The following RNF220 variants were observed in gnomAD, a reference collection of about 807,000 sequenced individuals.
RNF220 encodes E3 ubiquitin-protein ligase RNF220.
In RNF220, 7 loss-of-function variants were observed where a neutral mutation model predicts 67.1. The ratio of observed to expected loss-of-function variants is 0.10; its 90% CI spans 0.06 to 0.20. RNF220 has a LOEUF of 0.20. Among genes scored for constraint, RNF220 ranks in the 10% least tolerant of loss-of-function variants. The pLI is 1.00. For missense variants in RNF220, 565 were observed against 740.3 expected (o/e 0.76, Z 2.75); for synonymous variants, 270 against 283.2 (o/e 0.95, Z 0.47).
At chr1:44,593,364 G>A (rs529083480) in intron 2 of RNF220, among the ~76,000 whole-genome samples, 3 of 152,098 alleles carry the variant, frequency 2.0e-5, no homozygotes, top group Admixed American at 6.5e-5. Context: ...ATGACCTCAG[G>A]CAACTTTTAC....
intron 3 of RNF220, among the ~76,000 whole-genome samples, chr1:44,617,022 A>G (rs1643583043): frequency 6.6e-6 from 1 of 151,334 alleles, no homozygotes; most frequent in African/African-American, 2.4e-5. Flanking sequence ...CCCAAGCTCC[A>G]TGCTTCTCAC....
intron 2 of RNF220, among the ~76,000 whole-genome samples, chr1:44,418,524 G>A (rs1169013399): frequency 2.0e-5 from 3 of 152,146 alleles, no homozygotes; most frequent in African/African-American, 7.2e-5. Flanking sequence ...AGCCAGCACA[G>A]CGGGGCTCGT....
chr1:44,591,421 C>T lies in RNF220; in HGVS notation c.626-22744C>T, dbSNP rs184831401. ...AAGGAATCTAAGTCCTTTCAAGTCC[C>T]AGAGCCATTATGCACTTGCAGTGGG... is the stretch of plus-strand genomic sequence containing the variant. On this transcript the variant is annotated intron_variant, in intron 2 of 14. Transcript: ENST00000361799. Among the ~76,000 whole-genome samples, 17 of 152,320 alleles carry T rather than the reference C, an allele frequency of 1.1e-4. No individual in the cohort carries two copies. The East Asian group carries it at 3.3e-3, about 29-fold the overall frequency.
In RNF220 at chr1:44,460,913, G is replaced by A. The variant is rs951636411; in HGVS notation, c.625+48191G>A. Among the ~76,000 whole-genome samples, 161 of 152,312 alleles carry A rather than the reference G, an allele frequency of 1.1e-3. 1 individual carries two copies. Among genetic ancestry groups the A allele is most frequent in the Non-Finnish European group, 2.9e-4 (20 of 68,026 alleles). ...ACCTTCTGAGGGGTCTGCCGCTGCT[G>A]AGGGACTCCTTGCATTCCTGGCCTT... On this transcript the variant is annotated intron_variant, in intron 2 of 14. Transcript: ENST00000361799.
chr1:44,633,568 A>T (rs1198305452), intron 6 of RNF220, among the ~76,000 whole-genome samples: 1 of 152,228 alleles, frequency 6.6e-6, no homozygotes, highest in African/African-American at 2.4e-5. Flanking sequence ...AGCCCAGTCC[A>T]TTGGGGTGCT....
chr1:44,441,442 A>G (rs1200550951), intron 2 of RNF220, among the ~76,000 whole-genome samples: 4 of 152,206 alleles, frequency 2.6e-5, no homozygotes, highest in African/African-American at 9.6e-5. Context: ...GCTATGTGGG[A>G]AGATAAAATG....
chr1:44,498,984 A>G (rs1245509285), intron 2 of RNF220, among the ~76,000 whole-genome samples: 1 of 152,154 alleles, frequency 6.6e-6, no homozygotes, highest in African/African-American at 2.4e-5. Flanking sequence ...ACCAGTAATT[A>G]TACCCCTTCC....
chr1:44,440,745 A>G (rs1302081790), intron 2 of RNF220, among the ~76,000 whole-genome samples: 2 of 152,196 alleles, frequency 1.3e-5, no homozygotes, highest in Non-Finnish European at 2.9e-5. Flanking sequence ...GACTAAGAAC[A>G]GACACCTTCT....
At chr1:44,530,432 C>T (rs187648386) in intron 2 of RNF220, among the ~76,000 whole-genome samples, 5 of 151,496 alleles carry the variant, frequency 3.3e-5, no homozygotes, top group Admixed American at 2.0e-4. Flanking sequence ...AAGGACATCT[C>T]GTCATTTACT....
intron 2 of RNF220, among the ~76,000 whole-genome samples, chr1:44,478,462 T>A (rs1484731615): frequency 6.6e-6 from 1 of 151,664 alleles, no homozygotes; most frequent in African/African-American, 2.4e-5. Context: ...TGGCTTCTGC[T>A]TGTAATCCTA....
chr1:44,478,479 T>C (rs544691510), intron 2 of RNF220, among the ~76,000 whole-genome samples: 1 of 151,746 alleles, frequency 6.6e-6, no homozygotes, highest in South Asian at 2.1e-4. Flanking sequence ...CCTAGCACTT[T>C]GGGAGGCCAA....
intron 6 of RNF220, among the ~76,000 whole-genome samples, chr1:44,634,313 C>T (rs1018475682): frequency 6.6e-6 from 1 of 152,220 alleles, no homozygotes; most frequent in Non-Finnish European, 1.5e-5. Flanking sequence ...ACCTTGATCT[C>T]TCTAAGCTTT....
intron 2 of RNF220, among the ~76,000 whole-genome samples, chr1:44,426,633 A>C (rs1649801652): frequency 6.6e-6 from 1 of 151,848 alleles, no homozygotes; most frequent in Non-Finnish European, 1.5e-5. Context: ...AGGCTAAGGC[A>C]GGAGAATTGC....
chr1:44,477,704 AAT>A (rs1468912586), intron 2 of RNF220, among the ~76,000 whole-genome samples: 1 of 152,162 alleles, frequency 6.6e-6, no homozygotes, highest in Non-Finnish European at 1.5e-5. Flanking sequence ...GCTTAGGCTG[AAT>A]AGACAGTAGC....
chr1:44,498,561 T>A (rs1182866669), intron 2 of RNF220, among the ~76,000 whole-genome samples: 1 of 152,154 alleles, frequency 6.6e-6, no homozygotes, highest in East Asian at 1.9e-4. Context: ...GGCTCACAAC[T>A]GGGAGTTTTC....
At chr1:44,513,585 C>T (rs1383847436) in intron 2 of RNF220, among the ~76,000 whole-genome samples, 2 of 152,126 alleles carry the variant, frequency 1.3e-5, no homozygotes, top group African/African-American at 4.8e-5. Context: ...GGGGGAGAAG[C>T]GGTGACATGA....
In RNF220 at chr1:44,405,449, C is replaced by A; in HGVS notation, c.-199C>A. The A allele has an allele frequency of 1.6e-6, 1 of 607,660 alleles. No individual in the cohort carries two copies. The highest frequency in any genetic ancestry group is 2.6e-5 in the Admixed American group (1 of 37,922). 37.6% of individuals were successfully genotyped at this position (607,660 alleles called of 1,614,324 possible). On this transcript the variant is annotated 5_prime_UTR_variant, in exon 1 of 15. Coordinates refer to ENST00000361799, the MANE Select transcript of RNF220 (RefSeq NM_018150.4). The stretch of plus-strand genomic sequence containing the variant: ...CTCCGCCGGCTCTGCGAACCCGGGA[C>A]TTTTCATGCACCACACTCTCCGCCT...
chr1:44,587,694 A>G (rs1461199806), intron 2 of RNF220, among the ~76,000 whole-genome samples: 1 of 152,142 alleles, frequency 6.6e-6, no homozygotes, highest in African/African-American at 2.4e-5. Flanking sequence ...GTTCTCTTCT[A>G]GGGCACATGT....
intron 2 of RNF220, among the ~76,000 whole-genome samples, chr1:44,426,551 AC>A (rs1649794380): frequency 6.6e-6 from 1 of 152,046 alleles, no homozygotes; most frequent in Non-Finnish European, 1.5e-5. Context: ...ACATGGCAAA[AC>A]CCCATCTCTA....
Sources: allele counts gnomAD v4.1 joint callset (sites outside exome capture counted in the v4.1 genomes callset), GRCh38; gene constraint gnomAD v4.1.1; transcripts MANE v1.5; gene names NCBI Gene and HGNC (gene_info 2026-07-23, HGNC 2026-07-21).